Variants in ROBO1 observed in about 807,000 individuals in gnomAD.
ROBO1 encodes the protein roundabout guidance receptor 1, also known as roundabout homolog 1.
Under a neutral mutation model 195.9 loss-of-function variants are expected in ROBO1, and 149 were observed. The observed-to-expected ratio is 0.76, with a 90% CI of 0.67 to 0.87. ROBO1 has a LOEUF of 0.87. Ranked by LOEUF, ROBO1 falls within the 40% of genes least tolerant of loss-of-function variation. The pLI is 0.00. For synonymous variants in ROBO1, 816 were observed against 733.2 expected, an observed-to-expected ratio of 1.11 and a Z score of -1.82; for missense variants, 1,933 against 2,068.3, an observed-to-expected ratio of 0.93 and a Z score of 1.27.
chr3:79,252,971 G>C (rs1359878726), intron 2 of ROBO1, among the ~76,000 whole-genome samples: 1 of 152,060 alleles, frequency 6.6e-6, no homozygotes, highest in Admixed American at 6.6e-5. Context: ...ACATGAATCA[G>C]CTGGCCTTAC....
At position 78,661,079 on chromosome 3, in the gene ROBO1, T is replaced by G; in HGVS notation, c.2271A>C (p.Glu757Asp). 6.2e-7 allele frequency: 1 copy of G among 1,613,556 alleles called. No homozygotes were observed. The highest frequency in any genetic ancestry group is 8.5e-7 in the Non-Finnish European group (1 of 1,179,702). ...YEIKARPFFN[E>D]FQGADSEIKF... is the part of the protein sequence containing the mutation. ...TGATTTCACTATCTGCTCCTTGAAA[T>G]TCATTAAAAAAAGGGCGAGCCTTAA... is the stretch of plus-strand genomic sequence containing the variant. Residue 757 changes from glutamate (E) to aspartate (D), a missense_variant, in exon 16 of 31, where the codon GAA (glutamate) becomes GAC (aspartate). Physicochemically the swap from Glu to Asp is conservative, Grantham distance 45 (BLOSUM62 2). Coordinates refer to ENST00000464233, the MANE Select transcript of ROBO1 (RefSeq NM_002941.4).
intron 5 of ROBO1, among the ~76,000 whole-genome samples, chr3:78,735,456 G>C (rs1374284577): frequency 6.6e-6 from 1 of 152,106 alleles, no homozygotes; most frequent in Non-Finnish European, 1.5e-5. Flanking sequence ...CATAGATTAA[G>C]CTTAACTTAC....
At chr3:79,447,166 C>G (rs537332361) in intron 2 of ROBO1, among the ~76,000 whole-genome samples, 10 of 152,160 alleles carry the variant, frequency 6.6e-5, no homozygotes, top group African/African-American at 2.2e-4. Flanking sequence ...AGCCACTGCG[C>G]CTGGCCCTAA....
intron 2 of ROBO1, among the ~76,000 whole-genome samples, chr3:79,265,547 T>A (rs567418646): frequency 6.6e-6 from 1 of 151,714 alleles, no homozygotes; most frequent in South Asian, 2.1e-4. Flanking sequence ...ATTTGCAAAT[T>A]TTTTAAGTTG....
At chr3:79,492,425 C>CAAAAAAAAAAAAAAAAAAAAAAAAAAA in intron 2 of ROBO1, among the ~76,000 whole-genome samples, 1 of 85,674 alleles carries the variant, frequency 1.2e-5, no homozygotes, top group African/African-American at 5.9e-5. Flanking sequence ...GACTCTGTTT[C>CAAAAAAAAAAAAAAAAAAAAAAAAAAA]AGAAAAAAAA....
At chr3:79,662,686 T>C (rs574006881) in intron 1 of ROBO1, among the ~76,000 whole-genome samples, 1 of 152,230 alleles carries the variant, frequency 6.6e-6, no homozygotes, top group Admixed American at 6.6e-5. Flanking sequence ...TTTTTCCCTC[T>C]GCCTCTCAAA....
chr3:78,910,805 C>T (rs1460305851), intron 4 of ROBO1, among the ~76,000 whole-genome samples: 1 of 151,900 alleles, frequency 6.6e-6, no homozygotes, highest in African/African-American at 2.4e-5. Flanking sequence ...ATGACATATG[C>T]AAAAAGCAAT....
chr3:79,178,794 A>G (rs79979906), intron 2 of ROBO1, among the ~76,000 whole-genome samples: 61 of 152,352 alleles, frequency 4.0e-4, no homozygotes, highest in African/African-American at 1.3e-3. Context: ...TGAAAGCTTC[A>G]TGAATATTAA....
At chr3:79,010,742 C>T (rs993742615) in intron 3 of ROBO1, among the ~76,000 whole-genome samples, 28 of 152,066 alleles carry the variant, frequency 1.8e-4, no homozygotes, top group African/African-American at 4.8e-4. Flanking sequence ...CTTCATCACC[C>T]TACTGAATTT....
chr3:79,089,931 T>G (rs2108485967), intron 3 of ROBO1, among the ~76,000 whole-genome samples: 1 of 43,968 alleles, frequency 2.3e-5, no homozygotes, highest in East Asian at 7.0e-4. Context: ...ATCATCCAGT[T>G]ATTCTTTCTT....
At chr3:79,333,113 G>A (rs1467337953) in intron 2 of ROBO1, among the ~76,000 whole-genome samples, 1 of 151,342 alleles carries the variant, frequency 6.6e-6, no homozygotes, top group Non-Finnish European at 1.5e-5. Context: ...TTAGACAGGC[G>A]AATTGCTTGA....
At chr3:78,664,417 C>A (rs1191828411) in intron 14 of ROBO1, among the ~76,000 whole-genome samples, 1 of 152,126 alleles carries the variant, frequency 6.6e-6, no homozygotes, top group Non-Finnish European at 1.5e-5. Flanking sequence ...ACAGACAGGG[C>A]ACATGGGTGA....
chr3:79,211,996 T>A (rs1317996938), intron 2 of ROBO1, among the ~76,000 whole-genome samples: 1 of 152,186 alleles, frequency 6.6e-6, no homozygotes, highest in Non-Finnish European at 1.5e-5. Flanking sequence ...AAGTATTCCT[T>A]ACGGGAAACA....
At chr3:79,048,890 T>C (rs76208192) in intron 3 of ROBO1, among the ~76,000 whole-genome samples, 7 of 152,076 alleles carry the variant, frequency 4.6e-5, no homozygotes, top group African/African-American at 1.7e-4. Context: ...ACCCCATCTG[T>C]AGGTCACCAA....
chr3:78,826,156 T>A (rs1227084313), intron 4 of ROBO1, among the ~76,000 whole-genome samples: 1 of 152,162 alleles, frequency 6.6e-6, no homozygotes, highest in Non-Finnish European at 1.5e-5. Flanking sequence ...TCATCTGACA[T>A]AAAGGAACTC....
intron 2 of ROBO1, among the ~76,000 whole-genome samples, chr3:79,232,523 G>A (rs1357780421): frequency 6.7e-6 from 1 of 149,644 alleles, no homozygotes; most frequent in African/African-American, 2.4e-5. Context: ...CTTTAAATAA[G>A]TTGAAAGGGT....
Position 79,527,035 on chromosome 3 carries a change from A to G in ROBO1, c.88+62789T>C, listed in dbSNP as rs553145204. ...GGCTTCCACGCAAAACTTACATGAA[A>G]GTTAATGACAATTATTTGAATAAAT... On this transcript the variant is annotated intron_variant, in intron 2 of 30. Transcript: ENST00000464233. Among the ~76,000 whole-genome samples the G allele has an allele frequency of 1.3e-3, 197 of 152,258 alleles. 3 individuals carry two copies. In the South Asian group the frequency reaches 0.016, roughly 13 times the overall value.
chr3:79,270,220 T>TCTCTCA (rs1553710492), intron 2 of ROBO1, among the ~76,000 whole-genome samples: 5 of 140,280 alleles, frequency 3.6e-5, no homozygotes, highest in African/African-American at 1.3e-4. Context: ...TCTCTCTCTC[T>TCTCTCA]CACATACACA....
chr3:79,060,825 A>T (rs966726499), intron 3 of ROBO1, among the ~76,000 whole-genome samples: 1 of 152,172 alleles, frequency 6.6e-6, no homozygotes. Context: ...ACTCTCAATA[A>T]ACTAGGTATT....
Sources: gnomAD v4.1 joint callset for allele counts (sites outside exome capture counted in the v4.1 genomes callset) on GRCh38, gnomAD v4.1.1 for gene constraint, MANE v1.5 for transcripts, NCBI Gene and HGNC (gene_info 2026-07-23, HGNC 2026-07-21) for gene names.